The following SLFN11 variants were observed in gnomAD, a reference collection of about 807,000 sequenced individuals.
SLFN11 encodes schlafen family member 11.
SLFN11 carries 43 observed loss-of-function variants against 53.4 expected under a neutral mutation model. The observed-to-expected ratio is 0.80, with a 90% CI of 0.63 to 1.04. The LOEUF is 1.04. Ranked by LOEUF, SLFN11 falls within the 50% of genes least tolerant of loss-of-function variation. The pLI is 0.00. For missense variants in SLFN11, 990 were observed against 1,079.1 expected, an observed-to-expected ratio of 0.92 and a Z score of 1.16; for synonymous variants, 389 against 394.7, an observed-to-expected ratio of 0.99 and a Z score of 0.17.
At position 35,350,426 on chromosome 17, in the gene SLFN11, C is replaced by T. The variant is rs1906539611; in HGVS notation, c.*1930G>A. The T allele has an allele frequency of 6.6e-6, 1 of 152,034 alleles. No individual in the cohort carries two copies. Among genetic ancestry groups the T allele is most frequent in the Admixed American group, 6.5e-5 (1 of 15,268 alleles). The allele number at this position is 152,034 out of a possible 1,614,324, so 9.4% of individuals were successfully genotyped here. A position where few individuals can be genotyped will look rare whatever the true frequency, so the allele number is the denominator to read the frequency against. ...TATCAGTAATCCTCTTTGTTCTAAA[C>T]AAAAATTCATAATTATTTATACATT... On this transcript the variant is annotated 3_prime_UTR_variant, in exon 7 of 7. Coordinates refer to ENST00000685675, the MANE Select transcript of SLFN11 (RefSeq NM_001376007.1).
At chr17:35,355,465 C>T (rs1907347605) in intron 5 of SLFN11, among the ~76,000 whole-genome samples, 1 of 152,024 alleles carries the variant, frequency 6.6e-6, no homozygotes, top group South Asian at 2.1e-4. Flanking sequence ...AATGGCAGGG[C>T]GAGTCTGAAC....
At chr17:35,360,508 A>G (rs1908073595) in intron 4 of SLFN11, 137 bp from the exon 5 acceptor site, 2 of 863,546 alleles carry the variant, frequency 2.3e-6, no homozygotes, top group East Asian at 5.7e-5. Flanking sequence ...CCTCTCACTC[A>G]CTTACTCTAG....
intron 1 of SLFN11, among the ~76,000 whole-genome samples, chr17:35,372,354 G>A (rs1315053841): frequency 6.6e-6 from 1 of 151,938 alleles, no homozygotes; most frequent in Non-Finnish European, 1.5e-5. Context: ...GAGAGTTAAT[G>A]GGTACAAAAA....
chr17:35,371,633 A>T (rs1909675693), intron 1 of SLFN11, among the ~76,000 whole-genome samples: 1 of 152,126 alleles, frequency 6.6e-6, no homozygotes. Context: ...AGGGAAAAAA[A>T]TCTAATAATC....
intron 5 of SLFN11, among the ~76,000 whole-genome samples, chr17:35,358,769 A>C (rs1056633576): frequency 1.2e-4 from 18 of 152,080 alleles, no homozygotes; most frequent in African/African-American, 4.3e-4. Flanking sequence ...CTCATTAATA[A>C]GTAGGATTAA....
chr17:35,372,733 T>C (rs1248339891), intron 1 of SLFN11, among the ~76,000 whole-genome samples: 1 of 152,052 alleles, frequency 6.6e-6, no homozygotes, highest in East Asian at 1.9e-4. Context: ...TGTCTTAAAA[T>C]ATCTCATGTA....
Position 35,363,105 on chromosome 17 carries a change from C to T in SLFN11, c.703G>A (p.Val235Ile), listed in dbSNP as rs760685634. ...CCTCCAGTGTTTGCAAATGCAGGGACGTATTCTGGAATTGTCCTTTTTACA... is the reference window on the plus strand; with the variant it reads ...CCTCCAGTGTTTGCAAATGCAGGGATGTATTCTGGAATTGTCCTTTTTACA... ...EYVKRTIPEY[V>I]PAFANTGGGY... The change falls in exon 4 of 7, where the codon GTC (valine) becomes ATC (isoleucine). Residue 235 changes from valine (V) to isoleucine (I), a missense_variant. Around this residue, in one of 3 missense-constraint regions of SLFN11, gnomAD observed 521 missense variants for 516.2 expected, o/e 1.01. Coordinates refer to ENST00000685675, the MANE Select transcript of SLFN11 (RefSeq NM_001376007.1). 10 of 1,613,760 alleles carry T rather than the reference C, an allele frequency of 6.2e-6. No homozygotes were observed. Among genetic ancestry groups the T allele is most frequent in the South Asian group, 3.3e-5 (3 of 91,058 alleles).
intron 3 of SLFN11, among the ~76,000 whole-genome samples, chr17:35,364,796 G>A (rs1908750217): frequency 6.6e-6 from 1 of 152,118 alleles, no homozygotes; most frequent in South Asian, 2.1e-4. Flanking sequence ...TGGTTCACAG[G>A]TGTTTAGTAA....
rs781754776 is a variant in SLFN11 at position 35,352,471 on chromosome 17, A to G, written c.2591T>C (p.Ile864Thr). Residue 864 changes from isoleucine (I) to threonine (T), a missense_variant, in exon 7 of 7, where the codon ATA becomes ACA. Ile to Thr is a moderately conservative substitution (Grantham distance 89). Around this residue, in one of 3 missense-constraint regions of SLFN11, gnomAD observed 313 missense variants for 320.9 expected, o/e 0.98. Transcript: ENST00000685675. Reference sequence around the variant, plus strand: ...TGTCCTTGGATGGATCCCAAACACTATGCTCCTTTCCAGGCCTGAGAATCG... The same window carrying G: ...TGTCCTTGGATGGATCCCAAACACTGTGCTCCTTTCCAGGCCTGAGAATCG... ...VRRFSGLERS[I>T]VFGIHPRTAD... The G allele has an allele frequency of 2.5e-6, 4 of 1,614,106 alleles. No homozygotes were observed. The highest frequency in any genetic ancestry group is 2.7e-5 in the African/African-American group (2 of 74,924).
chr17:35,367,261 C>T (rs1320084225), intron 2 of SLFN11, 198 bp from the exon 3 acceptor site: 1 of 151,984 alleles, frequency 6.6e-6, no homozygotes, highest in African/African-American at 2.4e-5. Context: ...TTTCTCTGCC[C>T]CATAAACTTT....
chr17:35,354,143 A>G lies in SLFN11; in HGVS notation c.1199-84T>C, dbSNP rs1907166807. 3 of 1,194,400 alleles carry G rather than the reference A, an allele frequency of 2.5e-6. No individual in the cohort carries two copies. In the Admixed American group the frequency reaches 8.7e-5, roughly 35 times the overall value. The allele number at this position is 1,194,400 out of a possible 1,614,324, so 74.0% of individuals were successfully genotyped here. A position where few individuals can be genotyped will look rare whatever the true frequency, so the allele number is the denominator to read the frequency against. On this transcript the variant is annotated intron_variant, in intron 5 of 6. Transcript: ENST00000685675. ...ACTAATTATAATTAACTAATTGATT[A>G]ACTAAATGATTACTTATAGAAGTTT...
intron 5 of SLFN11, among the ~76,000 whole-genome samples, chr17:35,355,381 C>T (rs1281252039): frequency 1.3e-5 from 2 of 151,956 alleles, no homozygotes; most frequent in Admixed American, 1.3e-4. Flanking sequence ...TCCTGGGCGA[C>T]AGAGCAAGAT....
Position 35,363,068 on chromosome 17 carries a change from A to G in SLFN11, c.740T>C (p.Phe247Ser), listed in dbSNP as rs748934544. 1.2e-6 allele frequency: 2 copies of G among 1,614,006 alleles called. No homozygotes were observed. The highest frequency in any genetic ancestry group is 2.2e-5 in the South Asian group (2 of 91,070). ...AFANTGGGYL[F>S]IGVDDKSREV... ...CCTACTCTTATCATCCACTCCAATAAAAAGATAGCCTCCTCCAGTGTTTGC... is the reference window on the plus strand; with the variant it reads ...CCTACTCTTATCATCCACTCCAATAGAAAGATAGCCTCCTCCAGTGTTTGC... The change falls in exon 4 of 7, where the codon TTT becomes TCT. Residue 247 changes from phenylalanine to serine, a missense_variant. Phe to Ser is a radical substitution (Grantham distance 155, BLOSUM62 -2). Transcript: ENST00000685675.
intron 1 of SLFN11, among the ~76,000 whole-genome samples, chr17:35,369,183 C>A (rs955535222): frequency 2.0e-5 from 3 of 152,002 alleles, no homozygotes; most frequent in African/African-American, 4.8e-5. Context: ...AACAAGTAGG[C>A]CCTTGGACAG....
At chr17:35,361,233 T>C (rs1264682088) in intron 4 of SLFN11, among the ~76,000 whole-genome samples, 1 of 152,080 alleles carries the variant, frequency 6.6e-6, no homozygotes, top group Non-Finnish European at 1.5e-5. Flanking sequence ...TATAGAAACA[T>C]GTTTGGGAAG....
intron 1 of SLFN11, among the ~76,000 whole-genome samples, chr17:35,372,316 G>T (rs1597732729): frequency 2.0e-5 from 3 of 152,206 alleles, no homozygotes. Flanking sequence ...CCTGAGGAAG[G>T]GTGGTAGGAG....
intron 1 of SLFN11, among the ~76,000 whole-genome samples, chr17:35,372,498 A>T (rs1336892734): frequency 6.6e-6 from 1 of 152,118 alleles, no homozygotes; most frequent in African/African-American, 2.4e-5. Flanking sequence ...GCTTGAGGGG[A>T]TGAATACCCC....
chr17:35,363,264 GA>G lies in SLFN11; in HGVS notation c.543del (p.Pro182LeufsTer11). 6.2e-7 allele frequency: 1 copy of G among 1,614,038 alleles called. No homozygotes were observed. Among genetic ancestry groups the G allele is most frequent in the Non-Finnish European group, 8.5e-7 (1 of 1,179,992 alleles). On this transcript the variant is annotated frameshift_variant, in exon 4 of 7. Transcript: ENST00000685675. LOFTEE classifies it high-confidence loss of function. Reference sequence around the variant, plus strand: ...GCAGGATCCGAGTTTGGGTCAGCAGGATCCGAGTTAGGGAGCTCTTGGTATA... The same window carrying G: ...GCAGGATCCGAGTTTGGGTCAGCAGGTCCGAGTTAGGGAGCTCTTGGTATA... Reference protein sequence around the residue: ...KGVYQELPNSDPADPNSDPAD... With the variant: ...KGVYQELPNSXPADPNSDPAD...
rs202115057 is a variant in SLFN11, at chr17:35,353,691, C to A, written c.1567G>T (p.Ala523Ser). Residue 523 changes from alanine (A) to serine (S), a missense_variant, in exon 6 of 7, where the codon GCA becomes TCA. Coordinates refer to ENST00000685675, the MANE Select transcript of SLFN11 (RefSeq NM_001376007.1). ...GACACTGCAGCCTCCAAGGCCTCTGCGCTGCTCTCAGGACTCAGGCAGAGG... is the reference window on the plus strand; with the variant it reads ...GACACTGCAGCCTCCAAGGCCTCTGAGCTGCTCTCAGGACTCAGGCAGAGG... ...KVLCLSPESS[A>S]EALEAAVSPM... is the part of the protein sequence containing the mutation. The A allele has an allele frequency of 4.5e-6, 6 of 1,344,304 alleles. No individual in the cohort carries two copies. The highest frequency in any genetic ancestry group is 5.0e-6 in the Non-Finnish European group (5 of 1,004,424). The allele number at this position is 1,344,304 out of a possible 1,614,324, so 83.3% of individuals were successfully genotyped here. A position where few individuals can be genotyped will look rare whatever the true frequency, so the allele number is the denominator to read the frequency against.
Sources: allele counts gnomAD v4.1 joint callset (sites outside exome capture counted in the v4.1 genomes callset), GRCh38; gene constraint gnomAD v4.1.1; regional missense constraint gnomAD v4.1.1; transcripts MANE v1.5; gene names NCBI Gene and HGNC (gene_info 2026-07-23, HGNC 2026-07-21).